Variants in DNAJC1 observed in about 807,000 individuals in gnomAD.
The protein encoded by DNAJC1 is DnaJ heat shock protein family (Hsp40) member C1, also known as dnaJ homolog subfamily C member 1.
Under a neutral mutation model 76.6 loss-of-function variants are expected in DNAJC1, and 58 were observed. That is an observed-to-expected ratio of 0.76 (90% confidence interval 0.61 to 0.94). DNAJC1 has a LOEUF of 0.94. Ranked by LOEUF, DNAJC1 falls within the 40% of genes least tolerant of loss-of-function variation. The pLI is 0.00. For missense variants in DNAJC1, 689 were observed against 677.3 expected (o/e 1.02, Z -0.19); for synonymous variants, 258 against 267.9 (o/e 0.96, Z 0.36).
At chr10:21,835,798 C>A (rs1463660482) in intron 8 of DNAJC1, among the ~76,000 whole-genome samples, 2 of 152,158 alleles carry the variant, frequency 1.3e-5, no homozygotes, top group Non-Finnish European at 2.9e-5. Flanking sequence ...AAGAAACGAA[C>A]AAAGCCTCCA....
intron 1 of DNAJC1, among the ~76,000 whole-genome samples, chr10:21,942,805 CA>C (rs540122534): frequency 0.011 from 481 of 45,414 alleles, 2 homozygotes; most frequent in African/African-American, 0.031. Flanking sequence ...GACTCCATCT[CA>C]AAAAAAAAAA....
chr10:21,970,452 A>T (rs1837959553), intron 1 of DNAJC1, among the ~76,000 whole-genome samples: 1 of 152,110 alleles, frequency 6.6e-6, no homozygotes, highest in Admixed American at 6.5e-5. Flanking sequence ...GAAACCAAAT[A>T]GAAGCAGGAA....
intron 1 of DNAJC1, chr10:21,933,522 A>G (rs1837259432): frequency 6.6e-6 from 1 of 152,126 alleles, no homozygotes; most frequent in Non-Finnish European, 1.5e-5. Flanking sequence ...AGAAGGCTCT[A>G]AGTTCTCACT....
At chr10:21,975,517 G>A (rs1249783075) in intron 1 of DNAJC1, among the ~76,000 whole-genome samples, 1 of 152,110 alleles carries the variant, frequency 6.6e-6, no homozygotes, top group Admixed American at 6.5e-5. Context: ...TAAAAGGGTG[G>A]CAGCTTAGCG....
At position 21,756,618 on chromosome 10, in the gene DNAJC1, A is replaced by G; in HGVS notation, c.*69T>C. The stretch of plus-strand genomic sequence containing the variant: ...GTAGAAATATTGAGGTACAAAATGC[A>G]AATTTCTGCATAAGATTTTTAAGAT... On this transcript the variant is annotated 3_prime_UTR_variant, in exon 12 of 12. Transcript: ENST00000376980. 1 of 1,264,712 alleles carries G rather than the reference A, an allele frequency of 7.9e-7. No homozygotes were observed. Among genetic ancestry groups the G allele is most frequent in the Non-Finnish European group, 1.2e-6 (1 of 868,630 alleles). 78.3% of individuals were successfully genotyped at this position (1,264,712 alleles called of 1,614,324 possible). A position where few individuals can be genotyped will look rare whatever the true frequency, so the allele number is the denominator to read the frequency against.
At chr10:21,997,417 G>C (rs1421343091) in intron 1 of DNAJC1, among the ~76,000 whole-genome samples, 3 of 152,220 alleles carry the variant, frequency 2.0e-5, no homozygotes, top group African/African-American at 7.2e-5. Context: ...GTATGCTCAA[G>C]GGTAAGTCTG....
intron 9 of DNAJC1, among the ~76,000 whole-genome samples, chr10:21,779,630 C>A (rs1834501357): frequency 6.6e-6 from 1 of 152,134 alleles, no homozygotes; most frequent in Non-Finnish European, 1.5e-5. Flanking sequence ...GTAGATAAAA[C>A]CACAAAGATG....
At chr10:21,926,260 CTTTTT>C (rs774374066) in intron 3 of DNAJC1, among the ~76,000 whole-genome samples, 3 of 134,716 alleles carry the variant, frequency 2.2e-5, no homozygotes, top group Admixed American at 1.5e-4. Context: ...CCAGCCTTTC[CTTTTT>C]TTTTTTTTTT....
At chr10:22,002,885 C>T (rs1367906075) in intron 1 of DNAJC1, among the ~76,000 whole-genome samples, 1 of 151,886 alleles carries the variant, frequency 6.6e-6, no homozygotes, top group African/African-American at 2.4e-5. Context: ...CTACCCACAC[C>T]ACTCTTCGTT....
At chr10:21,827,530 G>T (rs1835282340) in intron 8 of DNAJC1, among the ~76,000 whole-genome samples, 1 of 152,198 alleles carries the variant, frequency 6.6e-6, no homozygotes, top group Non-Finnish European at 1.5e-5. Context: ...GAGGCTCTGA[G>T]GGAGAATCTG....
chr10:21,805,648 A>G (rs1415469225), intron 9 of DNAJC1, among the ~76,000 whole-genome samples: 7 of 152,274 alleles, frequency 4.6e-5, no homozygotes, highest in African/African-American at 1.7e-4. Flanking sequence ...GCTGAAATAC[A>G]ACCCTCCTAA....
chr10:21,843,544 C>T, intron 8 of DNAJC1, among the ~76,000 whole-genome samples: 1 of 151,882 alleles, frequency 6.6e-6, no homozygotes, highest in East Asian at 1.9e-4. Context: ...CAGGCACGTG[C>T]CACCATGCCC....
chr10:21,845,881 A>T (rs1232464925), intron 8 of DNAJC1, among the ~76,000 whole-genome samples: 1 of 152,208 alleles, frequency 6.6e-6, no homozygotes, highest in African/African-American at 2.4e-5. Context: ...AAGTACATTA[A>T]ATGAGTCTAT....
intron 8 of DNAJC1, among the ~76,000 whole-genome samples, chr10:21,868,423 A>G (rs1836045495): frequency 6.6e-6 from 1 of 151,982 alleles, no homozygotes; most frequent in Admixed American, 6.6e-5. Context: ...ATGCCCGGCC[A>G]AAAATATTCT....
intron 8 of DNAJC1, among the ~76,000 whole-genome samples, chr10:21,836,502 T>C (rs553916040): frequency 6.6e-6 from 1 of 152,282 alleles, no homozygotes; most frequent in African/African-American, 2.4e-5. Context: ...GTAAATAGGC[T>C]AAATGCTCCA....
chr10:21,811,837 C>T (rs1447835932), intron 8 of DNAJC1, among the ~76,000 whole-genome samples: 2 of 152,070 alleles, frequency 1.3e-5, no homozygotes, highest in African/African-American at 2.4e-5. Flanking sequence ...GGTGGAATTG[C>T]TAAGGTCATT....
chr10:21,817,308 A>G (rs1835092564), intron 8 of DNAJC1, among the ~76,000 whole-genome samples: 2 of 152,176 alleles, frequency 1.3e-5, no homozygotes, highest in African/African-American at 4.8e-5. Flanking sequence ...TTTTTGTAAT[A>G]AAGTTATTTT....
At chr10:21,854,050 C>T (rs1015508393) in intron 8 of DNAJC1, among the ~76,000 whole-genome samples, 2 of 151,882 alleles carry the variant, frequency 1.3e-5, no homozygotes, top group Non-Finnish European at 2.9e-5. Flanking sequence ...TGGCATCAGT[C>T]TAATTCACCA....
intron 1 of DNAJC1, among the ~76,000 whole-genome samples, chr10:21,999,107 C>T (rs1042337297): frequency 3.9e-5 from 6 of 152,156 alleles, no homozygotes; most frequent in East Asian, 3.9e-4. Context: ...TCTCTGCCTT[C>T]TAGTTTAGGA....
Sources: gnomAD v4.1 joint callset for allele counts (sites outside exome capture counted in the v4.1 genomes callset) on GRCh38, gnomAD v4.1.1 for gene constraint, MANE v1.5 for transcripts, NCBI Gene and HGNC (gene_info 2026-07-23, HGNC 2026-07-21) for gene names.